Variants in TARS3 observed in about 807,000 individuals in gnomAD.
The protein encoded by TARS3 is threonine--tRNA ligase 2, cytoplasmic.
Under a neutral mutation model 103.5 loss-of-function variants are expected in TARS3, and 94 were observed. The ratio of observed to expected loss-of-function variants is 0.91; its 90% CI spans 0.77 to 1.08. The LOEUF (loss-of-function observed/expected upper bound fraction) is 1.08, where lower values mean the gene tolerates loss of function less well. TARS3 is among the 50% of genes least tolerant of loss of function. TARS3 has a pLI of 0.00. For missense variants in TARS3, 952 were observed against 995.2 expected (o/e 0.96, Z 0.58); for synonymous variants, 416 against 355.4 (o/e 1.17, Z -1.92).
intron 4 of TARS3, chr15:101,714,578 T>G: frequency 7.1e-6 from 1 of 141,764 alleles, no homozygotes; most frequent in Non-Finnish European, 1.3e-5. Context: ...TGCACTCCAG[T>G]CTGGGTGACA....
chr15:101,682,388 GCTTTTTGT>G (rs1463612317), intron 12 of TARS3, among the ~76,000 whole-genome samples: 7 of 152,090 alleles, frequency 4.6e-5, no homozygotes, highest in Non-Finnish European at 8.8e-5. Flanking sequence ...AAGATAATAT[GCTTTTTGT>G]CTTTTTGTTT....
intron 10 of TARS3, among the ~76,000 whole-genome samples, chr15:101,692,738 G>A (rs962464564): frequency 2.3e-4 from 35 of 152,332 alleles, no homozygotes; most frequent in Admixed American, 2.3e-3. Flanking sequence ...ATCCCTGGGC[G>A]CTCTATCATC....
chr15:101,687,048 C>T (rs1404138971), intron 10 of TARS3, among the ~76,000 whole-genome samples: 1 of 152,100 alleles, frequency 6.6e-6, no homozygotes, highest in Non-Finnish European at 1.5e-5. Context: ...CCACGGTAGA[C>T]AGCTTAGGTC....
intron 16 of TARS3, among the ~76,000 whole-genome samples, chr15:101,659,645 C>T (rs540867249): frequency 6.6e-6 from 1 of 152,282 alleles, no homozygotes; most frequent in East Asian, 1.9e-4. Flanking sequence ...TTCTTTAAAC[C>T]ACTTTCACTG....
chr15:101,708,642 C>T, intron 6 of TARS3, 151 bp downstream of exon 6: 1 of 621,758 alleles, frequency 1.6e-6, no homozygotes, highest in East Asian at 2.8e-5. Context: ...GGAAATGTCA[C>T]AGCAAGTAAC....
chr15:101,680,379 C>T (rs1002205328), intron 12 of TARS3, among the ~76,000 whole-genome samples: 3 of 152,138 alleles, frequency 2.0e-5, no homozygotes, highest in East Asian at 3.8e-4. Flanking sequence ...CCTGTTTTAT[C>T]GATGCCTGTT....
rs142737267 is a variant in TARS3 at position 101,684,335 on chromosome 15, A to G, written c.1488-98T>C. On this transcript the variant is annotated intron_variant, in intron 11 of 18. Transcript: ENST00000335968. The stretch of plus-strand genomic sequence containing the variant: ...ATTACAATTAAGCCTCAAGATTCAT[A>G]AACTCCTTATTCTAGTTCTTAGATC... 12 of 1,206,808 alleles carry G rather than the reference A, an allele frequency of 9.9e-6. No individual in the cohort carries two copies. The African/African-American group carries it at 1.5e-4, about 16-fold the overall frequency. The allele number at this position is 1,206,808 out of a possible 1,614,324, so 74.8% of individuals were successfully genotyped here.
chr15:101,719,820 A>G (rs897917872), intron 3 of TARS3, among the ~76,000 whole-genome samples: 1 of 152,222 alleles, frequency 6.6e-6, no homozygotes, highest in Non-Finnish European at 1.5e-5. Flanking sequence ...CATGGACCAG[A>G]GATGTCCACT....
intron 18 of TARS3, among the ~76,000 whole-genome samples, chr15:101,656,374 A>G (rs1221987135): frequency 1.3e-5 from 2 of 152,236 alleles, no homozygotes; most frequent in Non-Finnish European, 2.9e-5. Context: ...AAATAGCAAT[A>G]CTGTGCCTGC....
chr15:101,713,445 C>T (rs1385369416), intron 4 of TARS3, among the ~76,000 whole-genome samples: 1 of 152,100 alleles, frequency 6.6e-6, no homozygotes. Context: ...TTTGATAGCT[C>T]GATGGGAATG....
At chr15:101,682,613 T>C (rs1018253162) in intron 12 of TARS3, among the ~76,000 whole-genome samples, 2 of 152,174 alleles carry the variant, frequency 1.3e-5, no homozygotes, top group African/African-American at 2.4e-5. Flanking sequence ...AATTTCTTTG[T>C]CTTATTTTTC....
chr15:101,720,429 T>A (rs1900390356), intron 3 of TARS3, among the ~76,000 whole-genome samples: 1 of 152,200 alleles, frequency 6.6e-6, no homozygotes, highest in Admixed American at 6.5e-5. Flanking sequence ...AAAACATTTA[T>A]CTTCAATCTA....
chr15:101,678,882 A>G (rs141296761), intron 12 of TARS3, among the ~76,000 whole-genome samples: 1,935 of 152,246 alleles, frequency 0.013, 26 homozygotes, highest in African/African-American at 0.018. Context: ...TCAATTGCTG[A>G]AGGGTATTTT....
intron 1 of TARS3, among the ~76,000 whole-genome samples, chr15:101,723,764 G>A (rs1337031021): frequency 2.0e-5 from 3 of 152,212 alleles, no homozygotes; most frequent in Non-Finnish European, 4.4e-5. Context: ...TCTGACCAAG[G>A]AAAGAATGAG....
At chr15:101,690,795 ATTCCT>A (rs1898681480) in intron 10 of TARS3, among the ~76,000 whole-genome samples, 1 of 152,192 alleles carries the variant, frequency 6.6e-6, no homozygotes, top group Non-Finnish European at 1.5e-5. Context: ...TATATTTTAG[ATTCCT>A]TTCTAAGAAT....
chr15:101,706,432 T>C (rs1011981729), intron 6 of TARS3, among the ~76,000 whole-genome samples: 12 of 152,226 alleles, frequency 7.9e-5, no homozygotes, highest in Admixed American at 5.2e-4. Flanking sequence ...TTTTTATATA[T>C]TGGGTTAAAA....
In TARS3 at chr15:101,702,364, C is replaced by T; in HGVS notation, c.1096G>A (p.Gly366Ser). The change falls in exon 9 of 19, where the codon GGC becomes AGC. Residue 366 changes from glycine (G) to serine (S), a missense_variant. By Grantham distance (56) the Gly-to-Ser change is moderately conservative (BLOSUM62 0). Around this residue, in one of 2 missense-constraint regions of TARS3, gnomAD observed 540 missense variants for 631.0 expected, o/e 0.86. Transcript: ENST00000335968. ...TGCAATGTTTCCATTTCCGGATTGC[C>T]CTCCCAATATGTTGAGGAATTCTAA... is the stretch of plus-strand genomic sequence containing the variant. ...IFKNSSTYWE[G>S]NPEMETLQRI... 2 of 1,613,646 alleles carry T rather than the reference C, an allele frequency of 1.2e-6. No individual in the cohort carries two copies. Among genetic ancestry groups the T allele is most frequent in the Non-Finnish European group, 1.7e-6 (2 of 1,179,676 alleles).
intron 16 of TARS3, among the ~76,000 whole-genome samples, chr15:101,658,329 AAAGG>A (rs1177605906): frequency 6.6e-6 from 1 of 151,886 alleles, no homozygotes; most frequent in Non-Finnish European, 1.5e-5. Flanking sequence ...AAAAAAAAAA[AAAGG>A]AACCAACTAA....
At chr15:101,681,590 C>A (rs1898257771) in intron 12 of TARS3, among the ~76,000 whole-genome samples, 1 of 152,162 alleles carries the variant, frequency 6.6e-6, no homozygotes, top group Admixed American at 6.6e-5. Flanking sequence ...CTGGGAAATC[C>A]AAGATCAATG....
Sources: gnomAD v4.1 joint callset for allele counts (sites outside exome capture counted in the v4.1 genomes callset) on GRCh38, gnomAD v4.1.1 for gene constraint, gnomAD v4.1.1 regional missense constraint, MANE v1.5 for transcripts, NCBI Gene and HGNC (gene_info 2026-07-23, HGNC 2026-07-21) for gene names.